The following HNRNPA1L2 variants were observed in gnomAD, a reference collection of about 807,000 sequenced individuals.
The protein encoded by HNRNPA1L2 is heterogeneous nuclear ribonucleoprotein A1 like 2.
A neutral mutation model predicts 18.2 loss-of-function variants in HNRNPA1L2; 10 were observed. That is an observed-to-expected ratio of 0.55 (90% CI 0.34 to 0.93). The LOEUF is 0.93. Ranked by LOEUF, HNRNPA1L2 falls within the 40% of genes least tolerant of loss-of-function variation. The pLI is 0.02. For synonymous variants in HNRNPA1L2, 124 were observed against 138.6 expected (o/e 0.89, Z 0.74); for missense variants, 308 against 394.4 (o/e 0.78, Z 1.85).
upstream of HNRNPA1L2, among the ~76,000 whole-genome samples, chr13:52,638,599 A>G (rs377132559): frequency 2.0e-4 from 30 of 152,342 alleles, no homozygotes; most frequent in Non-Finnish European, 3.8e-4. Context: ...TTTAAATTCT[A>G]TAAATACAGA....
chr13:52,633,783 GCCTAAGCGACA>G, the HNRNPA1L2 span, among the ~76,000 whole-genome samples: 1 of 152,130 alleles, frequency 6.6e-6, no homozygotes, highest in Non-Finnish European at 1.5e-5. Flanking sequence ...TAACACTCCA[GCCTAAGCGACA>G]GAGTGAGACC....
chr13:52,634,542 C>T, the HNRNPA1L2 span, among the ~76,000 whole-genome samples: 12 of 152,118 alleles, frequency 7.9e-5, no homozygotes, highest in Admixed American at 7.9e-4. Context: ...AGAAGAATAG[C>T]AACATATGGA....
At chr13:52,630,328 G>C in the HNRNPA1L2 span, among the ~76,000 whole-genome samples, 1 of 152,176 alleles carries the variant, frequency 6.6e-6, no homozygotes, top group South Asian at 2.1e-4. Context: ...CCAGGCTGGA[G>C]TGAAGTGGCA....
At chr13:52,625,117 CT>C in the HNRNPA1L2 span, among the ~76,000 whole-genome samples, 408 of 145,168 alleles carry the variant, frequency 2.8e-3, no homozygotes, top group African/African-American at 6.7e-3. Context: ...TTAAAAGATA[CT>C]TTTTTTTTTT....
At chr13:52,639,451 G>T (rs185664601), upstream of HNRNPA1L2, among the ~76,000 whole-genome samples, 8 of 152,186 alleles carry the variant, frequency 5.3e-5, no homozygotes, top group East Asian at 1.5e-3. Flanking sequence ...TTTCAGCTGC[G>T]ACAAATTTAA....
the HNRNPA1L2 span, among the ~76,000 whole-genome samples, chr13:52,630,226 G>A: frequency 6.6e-6 from 1 of 152,240 alleles, no homozygotes; most frequent in African/African-American, 2.4e-5. Flanking sequence ...TGAGAAGGAG[G>A]AGCCAGATAT....
the HNRNPA1L2 span, among the ~76,000 whole-genome samples, chr13:52,618,208 A>G: frequency 2.6e-5 from 4 of 151,942 alleles, no homozygotes; most frequent in Non-Finnish European, 5.9e-5. Context: ...TCATCCAACA[A>G]GTAATTGCTG....
upstream of HNRNPA1L2, among the ~76,000 whole-genome samples, chr13:52,639,890 T>TG (rs1309328322): frequency 3.1e-3 from 394 of 128,694 alleles, 3 homozygotes; most frequent in African/African-American, 0.01. Context: ...TTTTTTTTTT[T>TG]TTTTTGTTTT....
Position 52,643,055 on chromosome 13 carries a change from G to C in HNRNPA1L2, c.563G>C (p.Ser188Thr). The change falls in exon 1 of 1, where the codon AGT (serine) becomes ACT (threonine). Residue 188 changes from serine to threonine, a missense_variant. Physicochemically the swap from Ser to Thr is moderately conservative, Grantham distance 58. Transcript: ENST00000357495. Reference protein sequence around the residue: ...RKALPKQEMASASSSQRGRRG... With the variant: ...RKALPKQEMATASSSQRGRRG... ...GCCCTGCCAAAGCAAGAGATGGCTA[G>C]TGCTTCATCCAGCCAAAGAGGTCGA... 6.3e-7 allele frequency: 1 copy of C among 1,597,634 alleles called. No homozygotes were observed. The highest frequency in any genetic ancestry group is 8.5e-7 in the Non-Finnish European group (1 of 1,179,794).
chr13:52,623,328 A>T, the HNRNPA1L2 span, among the ~76,000 whole-genome samples: 2 of 152,204 alleles, frequency 1.3e-5, no homozygotes, highest in Non-Finnish European at 2.9e-5. Context: ...GGTCACGTAA[A>T]CAATTTCTTT....
At chr13:52,642,315 A>T, upstream of HNRNPA1L2, 1 of 795,432 alleles carries the variant, frequency 1.3e-6, no homozygotes, top group Non-Finnish European at 2.1e-6. Context: ...TTCTTCCTGT[A>T]CATACACTAA....
chr13:52,624,306 G>A, the HNRNPA1L2 span, among the ~76,000 whole-genome samples: 8 of 152,172 alleles, frequency 5.3e-5, no homozygotes, highest in South Asian at 1.7e-3. Flanking sequence ...TAGAGATGGG[G>A]TTTCACCATG....
Position 52,642,675 on chromosome 13 carries a change from A to G in HNRNPA1L2, c.183A>G (p.Thr61=). 1 of 1,610,286 alleles carries G rather than the reference A, an allele frequency of 6.2e-7. No homozygotes were observed. Among genetic ancestry groups the G allele is most frequent in the Non-Finnish European group, 8.5e-7 (1 of 1,179,820 alleles). ...TKRSRGFGFV[T]YATVEEVDAA... is the part of the protein sequence containing the mutation. ...GCTCCAGGGGCTTTGGGTTTGTCAC[A>G]TATGCCACTGTGGAGGAGGTGGATG... Residue 61 remains threonine (T), a synonymous_variant, in exon 1 of 1, where the codon ACA becomes ACG. Transcript: ENST00000357495.
Position 52,643,158 on chromosome 13 carries a change from C to T in HNRNPA1L2, c.666C>T (p.Phe222=), listed in dbSNP as rs1566164296. ...GNDNFGRGGN[F]SGRGGFGGSC... ...ACAACTTTGGTCGTGGAGGAAACTTCAGTGGTCGTGGTGGCTTTGGTGGCA... is the reference window on the plus strand; with the variant it reads ...ACAACTTTGGTCGTGGAGGAAACTTTAGTGGTCGTGGTGGCTTTGGTGGCA... Residue 222 remains phenylalanine, a synonymous_variant, in exon 1 of 1, where the codon TTC becomes TTT. Coordinates refer to ENST00000357495, the MANE Select transcript of HNRNPA1L2 (RefSeq NM_001389320.1). 6.3e-7 allele frequency: 1 copy of T among 1,597,992 alleles called. No homozygotes were observed. Among genetic ancestry groups the T allele is most frequent in the East Asian group, 2.2e-5 (1 of 44,882 alleles).
upstream of HNRNPA1L2, among the ~76,000 whole-genome samples, chr13:52,638,931 C>A (rs1319597907): frequency 6.6e-6 from 1 of 152,062 alleles, no homozygotes; most frequent in East Asian, 1.9e-4. Context: ...CTGTCAGCTG[C>A]AAAGGAAAGG....
At position 52,643,377 on chromosome 13, in the gene HNRNPA1L2, C is replaced by A. The variant is rs978589752; in HGVS notation, c.885C>A (p.Tyr295Ter). The A allele has an allele frequency of 3.1e-6, 5 of 1,598,522 alleles. No homozygotes were observed. The African/African-American group carries it at 6.7e-5, about 21-fold the overall frequency. ...SSGPYGGGGQ[Y>*]FAKPQNQGGY... The stretch of plus-strand genomic sequence containing the variant: ...GCCCCTATGGCGGTGGAGGCCAATA[C>A]TTTGCAAAACCACAAAACCAAGGTG... The change falls in exon 1 of 1, where the codon TAC (tyrosine) becomes TAA (stop). Residue 295 changes from tyrosine (Y) to a stop codon, truncating the protein, a stop_gained. Coordinates refer to ENST00000357495, the MANE Select transcript of HNRNPA1L2 (RefSeq NM_001389320.1). LOFTEE classifies it high-confidence loss of function.
At position 52,643,488 on chromosome 13, in the gene HNRNPA1L2, C is replaced by T; in HGVS notation, c.*33C>T. 3 of 1,543,318 alleles carry T rather than the reference C, an allele frequency of 1.9e-6. No individual in the cohort carries two copies. Among genetic ancestry groups the T allele is most frequent in the Non-Finnish European group, 2.6e-6 (3 of 1,132,624 alleles). On this transcript the variant is annotated 3_prime_UTR_variant, in exon 1 of 1. Coordinates refer to ENST00000357495, the MANE Select transcript of HNRNPA1L2 (RefSeq NM_001389320.1). ...ACAAAGCTTAGCAGGAGAGGAGAGC[C>T]AGAGAAGTGACAGGGAAGCTACAGG...
At chr13:52,618,710 T>C in the HNRNPA1L2 span, among the ~76,000 whole-genome samples, 1 of 152,220 alleles carries the variant, frequency 6.6e-6, no homozygotes, top group Non-Finnish European at 1.5e-5. Context: ...GGGGGCATTT[T>C]AATATAGAAG....
At position 52,642,937 on chromosome 13, in the gene HNRNPA1L2, G is replaced by C; in HGVS notation, c.445G>C (p.Ala149Pro). 1 of 1,597,106 alleles carries C rather than the reference G, an allele frequency of 6.3e-7. No homozygotes were observed. Among genetic ancestry groups the C allele is most frequent in the Non-Finnish European group, 8.5e-7 (1 of 1,179,790 alleles). Reference sequence around the variant, plus strand: ...AGGCAGTGGCAAGAAAAGGGGCTTTGCCTTTGTAACCTTTGACGACCATGA... The same window carrying C: ...AGGCAGTGGCAAGAAAAGGGGCTTTCCCTTTGTAACCTTTGACGACCATGA... Reference protein sequence around the residue: ...DRGSGKKRGFAFVTFDDHDSV... With the variant: ...DRGSGKKRGFPFVTFDDHDSV... The change falls in exon 1 of 1, where the codon GCC becomes CCC. Residue 149 changes from alanine (A) to proline (P), a missense_variant. Ala to Pro is a conservative substitution (Grantham distance 27). Coordinates refer to ENST00000357495, the MANE Select transcript of HNRNPA1L2 (RefSeq NM_001389320.1).
Sources: gnomAD v4.1 joint callset for allele counts (sites outside exome capture counted in the v4.1 genomes callset) on GRCh38, gnomAD v4.1.1 for gene constraint, MANE v1.5 for transcripts, NCBI Gene and HGNC (gene_info 2026-07-23, HGNC 2026-07-21) for gene names.